The following AIG1 variants were observed in gnomAD, a reference collection of about 807,000 sequenced individuals.
AIG1 encodes the protein androgen induced 1.
AIG1 carries 23 observed loss-of-function variants against 31.4 expected under a neutral mutation model. The ratio of observed to expected loss-of-function variants is 0.73; its 90% CI spans 0.53 to 1.04. The LOEUF (loss-of-function observed/expected upper bound fraction) is 1.04, where lower values mean the gene tolerates loss of function less well. AIG1 is among the 50% of genes least tolerant of loss of function. The pLI, the probability that AIG1 is intolerant of heterozygous loss-of-function variation, is 0.00. For synonymous variants in AIG1, 100 were observed against 110.5 expected, an observed-to-expected ratio of 0.90 and a Z score of 0.60; for missense variants, 274 against 295.0, an observed-to-expected ratio of 0.93 and a Z score of 0.52.
chr6:143,081,148 G>A (rs960386933), intron 1 of AIG1, among the ~76,000 whole-genome samples: 1 of 152,110 alleles, frequency 6.6e-6, no homozygotes, highest in Non-Finnish European at 1.5e-5. Flanking sequence ...AAGGCTATAG[G>A]CAACAGAGCA....
intron 3 of AIG1, among the ~76,000 whole-genome samples, chr6:143,276,989 G>A (rs769164094): frequency 9.2e-5 from 14 of 152,274 alleles, no homozygotes; most frequent in South Asian, 2.1e-4. Flanking sequence ...CTAATGCTGC[G>A]TTTTCCTGTA....
chr6:143,127,967 C>T (rs1782843065), intron 1 of AIG1, among the ~76,000 whole-genome samples: 1 of 152,132 alleles, frequency 6.6e-6, no homozygotes, highest in Non-Finnish European at 1.5e-5. Flanking sequence ...GGATTACAGG[C>T]ATGAGCCACC....
intron 3 of AIG1, among the ~76,000 whole-genome samples, chr6:143,177,553 C>A (rs912323876): frequency 1.3e-5 from 2 of 152,176 alleles, no homozygotes; most frequent in African/African-American, 2.4e-5. Context: ...TCTCTGATTT[C>A]TTCAGCTATA....
intron 4 of AIG1, among the ~76,000 whole-genome samples, chr6:143,319,543 G>A (rs552041163): frequency 6.6e-6 from 1 of 152,232 alleles, no homozygotes; most frequent in African/African-American, 2.4e-5. Context: ...CTGGTGATGG[G>A]TGCAACAAAA....
At chr6:143,250,699 TC>T (rs1794949501) in intron 3 of AIG1, among the ~76,000 whole-genome samples, 1 of 151,850 alleles carries the variant, frequency 6.6e-6, no homozygotes, top group Admixed American at 6.6e-5. Flanking sequence ...GCCAAGGACT[TC>T]CAGCAGCCTC....
chr6:143,181,801 G>A (rs529193523), intron 3 of AIG1, among the ~76,000 whole-genome samples: 1 of 152,186 alleles, frequency 6.6e-6, no homozygotes, highest in African/African-American at 2.4e-5. Context: ...AGAAAAAGAA[G>A]GATAGTATCA....
At chr6:143,146,664 C>T (rs571944097) in intron 2 of AIG1, among the ~76,000 whole-genome samples, 24 of 152,120 alleles carry the variant, frequency 1.6e-4, no homozygotes, top group Non-Finnish European at 2.6e-4. Flanking sequence ...TTACTACTGT[C>T]CCTGTGGGTT....
rs556808202 is a variant in AIG1 at position 143,218,595 on chromosome 6, G to A, written c.399+53412G>A. Among the ~76,000 whole-genome samples, 24 of 152,176 alleles carry A rather than the reference G, an allele frequency of 1.6e-4. No homozygotes were observed. The East Asian group carries it at 4.3e-3, about 27-fold the overall frequency. ...TGCTTCCACTAAACCAGCTTCTAATGGTTTAAAGTATCCGGGTGGTATCCT... is the reference window on the plus strand; with the variant it reads ...TGCTTCCACTAAACCAGCTTCTAATAGTTTAAAGTATCCGGGTGGTATCCT... On this transcript the variant is annotated intron_variant, in intron 3 of 5. Transcript: ENST00000357847.
At chr6:143,167,216 C>A (rs1379682697) in intron 3 of AIG1, among the ~76,000 whole-genome samples, 2 of 152,184 alleles carry the variant, frequency 1.3e-5, no homozygotes, top group Non-Finnish European at 1.5e-5. Flanking sequence ...AAAACATTGT[C>A]ATGTGCTCAA....
At chr6:143,087,216 G>A (rs1047359348) in intron 1 of AIG1, among the ~76,000 whole-genome samples, 2 of 152,186 alleles carry the variant, frequency 1.3e-5, no homozygotes, top group Admixed American at 6.5e-5. Flanking sequence ...TGTTACCGGC[G>A]GGTCTTTGTT....
At chr6:143,202,340 G>A (rs1389345652) in intron 3 of AIG1, among the ~76,000 whole-genome samples, 2 of 151,940 alleles carry the variant, frequency 1.3e-5, no homozygotes, top group African/African-American at 4.8e-5. Flanking sequence ...AATCCTCAGG[G>A]ACAGCTAATC....
intron 3 of AIG1, among the ~76,000 whole-genome samples, chr6:143,220,088 TAGGGGGCAGGGGGC>T (rs758644073): frequency 3.8e-4 from 58 of 151,942 alleles, no homozygotes; most frequent in Non-Finnish European, 5.0e-4. Context: ...CAATCTAGCT[TAGGGGGCAGGGGGC>T]AGGGGGCAGG....
At chr6:143,169,983 T>G (rs1787335558) in intron 3 of AIG1, among the ~76,000 whole-genome samples, 1 of 152,078 alleles carries the variant, frequency 6.6e-6, no homozygotes, top group African/African-American at 2.4e-5. Flanking sequence ...TTGGATTTGG[T>G]TTGGTAGTAT....
chr6:143,171,422 AATATATATAAT>A lies in AIG1; in HGVS notation c.399+6259_399+6269del, dbSNP rs1157364089. Among the ~76,000 whole-genome samples the A allele has an allele frequency of 5.5e-4, 59 of 106,568 alleles. 1 individual carries two copies. The highest frequency in any genetic ancestry group is 1.1e-3 in the South Asian group (3 of 2,852). The allele number at this position is 106,568 out of a possible 152,430, so 69.9% of individuals were successfully genotyped here. ...TTCAATAGTGTGTGTATATATATATAATATATATAATATATATATAATATATATATTTAATA... is the reference window on the plus strand; with the variant it reads ...TTCAATAGTGTGTGTATATATATATAATATATATAATATATATATTTAATA... On this transcript the variant is annotated intron_variant, in intron 3 of 5. Transcript: ENST00000357847.
At position 143,188,832 on chromosome 6, in the gene AIG1, C is replaced by G. The variant is rs192178693; in HGVS notation, c.399+23649C>G. ...GGCAATAGCAACTTCCCAGAACATT[C>G]CTTTTTACACTGCCTGGGATTTTTC... On this transcript the variant is annotated intron_variant, in intron 3 of 5. Transcript: ENST00000357847. 2.3e-4 allele frequency: 223 copies of G among 985,146 alleles called. 1 individual carries two copies. In the African/African-American group the frequency reaches 3.6e-3, roughly 16 times the overall value. The allele number at this position is 985,146 out of a possible 1,614,324, so 61.0% of individuals were successfully genotyped here. A position where few individuals can be genotyped will look rare whatever the true frequency, so the allele number is the denominator to read the frequency against.
intron 4 of AIG1, among the ~76,000 whole-genome samples, chr6:143,322,903 A>G (rs556682438): frequency 6.6e-6 from 1 of 152,282 alleles, no homozygotes; most frequent in African/African-American, 2.4e-5. Flanking sequence ...AAAATATTAT[A>G]TATTTCTGCA....
At position 143,334,174 on chromosome 6, in the gene AIG1, G is replaced by C; in HGVS notation, c.679+729G>C. Reference sequence around the variant, plus strand: ...ACATAAAAATTGAAAGGTGGAAAAAGCGCCAGCACAGACATGTAGTGATTG... The same window carrying C: ...ACATAAAAATTGAAAGGTGGAAAAACCGCCAGCACAGACATGTAGTGATTG... On this transcript the variant is annotated intron_variant, in intron 5 of 5. Transcript: ENST00000357847. This position sits in a 1 kb window ranked among gnomAD's most constrained non-coding sequence, Gnocchi z 5.1. 7.0e-7 allele frequency: 1 copy of C among 1,429,428 alleles called. No individual in the cohort carries two copies. The highest frequency in any genetic ancestry group is 9.6e-7 in the Non-Finnish European group (1 of 1,045,796). 88.5% of individuals were successfully genotyped at this position (1,429,428 alleles called of 1,614,324 possible).
At chr6:143,151,754 A>G (rs1785253308) in intron 2 of AIG1, among the ~76,000 whole-genome samples, 1 of 152,234 alleles carries the variant, frequency 6.6e-6, no homozygotes. Flanking sequence ...CAGGTGGACT[A>G]AAAAATTGTC....
intron 2 of AIG1, among the ~76,000 whole-genome samples, chr6:143,155,321 T>C (rs1785634439): frequency 6.6e-6 from 1 of 152,086 alleles, no homozygotes; most frequent in African/African-American, 2.4e-5. Context: ...AAAAATGTAA[T>C]GTGCTATGAC....
Sources: allele counts gnomAD v4.1 joint callset (sites outside exome capture counted in the v4.1 genomes callset), GRCh38; gene constraint gnomAD v4.1.1; non-coding constraint Gnocchi (gnomAD v3.1); transcripts MANE v1.5; gene names NCBI Gene and HGNC (gene_info 2026-07-23, HGNC 2026-07-21).